LRP1B: variants seen among roughly 807,000 people sequenced by gnomAD.
The protein encoded by LRP1B is low-density lipoprotein receptor-related protein 1B.
A neutral mutation model predicts 556.6 loss-of-function variants in LRP1B; 217 were observed. That is an observed-to-expected ratio of 0.39 (90% CI 0.35 to 0.44). LRP1B has a LOEUF of 0.44. LRP1B is among the 20% of genes least tolerant of loss of function. The probability of loss-of-function intolerance (pLI) is 1.00; values close to 1 mark genes in which losing one functional copy is unlikely to be tolerated. For synonymous variants in LRP1B, 2,047 were observed against 1,865.8 expected, an observed-to-expected ratio of 1.10 and a Z score of -2.50; for missense variants, 5,053 against 5,620.8, an observed-to-expected ratio of 0.90 and a Z score of 3.23.
intron 2 of LRP1B, among the ~76,000 whole-genome samples, chr2:141,751,389 T>A (rs916915910): frequency 5.9e-5 from 9 of 152,218 alleles, no homozygotes; most frequent in African/African-American, 1.9e-4. Context: ...GTAGTTTTTT[T>A]AAAATCTTAA....
chr2:140,777,769 T>TA (rs1365675517), intron 32 of LRP1B, among the ~76,000 whole-genome samples: 2 of 152,108 alleles, frequency 1.3e-5, no homozygotes, highest in African/African-American at 4.8e-5. Context: ...AAAGATGCTG[T>TA]AAAAAATGAA....
intron 1 of LRP1B, among the ~76,000 whole-genome samples, chr2:142,104,346 G>C (rs1393020314): frequency 6.6e-6 from 1 of 152,040 alleles, no homozygotes; most frequent in East Asian, 1.9e-4. Context: ...TGCATAAAAT[G>C]ACATTTATTG....
intron 1 of LRP1B, among the ~76,000 whole-genome samples, chr2:142,083,647 A>G (rs755679993): frequency 1.3e-5 from 2 of 152,352 alleles, no homozygotes; most frequent in African/African-American, 2.4e-5. Context: ...ATTTCCTGAT[A>G]GAGCAAGGAA....
intron 1 of LRP1B, among the ~76,000 whole-genome samples, chr2:142,018,415 T>C (rs1424204956): frequency 1.3e-5 from 2 of 152,210 alleles, no homozygotes; most frequent in Non-Finnish European, 2.9e-5. Flanking sequence ...AACCTACTTG[T>C]AATAACTTCC....
intron 43 of LRP1B, among the ~76,000 whole-genome samples, chr2:140,569,455 GA>G (rs1251428876): frequency 1.3e-5 from 2 of 151,802 alleles, no homozygotes; most frequent in African/African-American, 4.8e-5. Flanking sequence ...CAAAAAGTGT[GA>G]AAAGAGACAA....
chr2:141,121,048 TAA>T (rs1449824658), intron 7 of LRP1B, among the ~76,000 whole-genome samples: 3 of 151,992 alleles, frequency 2.0e-5, no homozygotes, highest in Non-Finnish European at 2.9e-5. Context: ...CACAGGCCCT[TAA>T]AAGAGGAAGT....
intron 1 of LRP1B, among the ~76,000 whole-genome samples, chr2:142,111,513 T>G (rs572298103): frequency 1.3e-5 from 2 of 152,248 alleles, no homozygotes; most frequent in African/African-American, 4.8e-5. Context: ...CATGAGAGTC[T>G]TGAGAGAGCC....
At chr2:141,203,501 T>C (rs547463385) in intron 6 of LRP1B, among the ~76,000 whole-genome samples, 3 of 152,256 alleles carry the variant, frequency 2.0e-5, no homozygotes, top group Admixed American at 6.5e-5. Context: ...TAAATATATA[T>C]GCACCCAATA....
intron 3 of LRP1B, among the ~76,000 whole-genome samples, chr2:141,279,712 G>A (rs375215461): frequency 2.6e-5 from 4 of 152,010 alleles, no homozygotes; most frequent in African/African-American, 7.2e-5. Context: ...TGATTCATTC[G>A]TTTGCCTCTT....
intron 1 of LRP1B, among the ~76,000 whole-genome samples, chr2:141,828,136 T>G (rs1180245405): frequency 7.0e-6 from 1 of 142,340 alleles, no homozygotes; most frequent in Non-Finnish European, 1.5e-5. Context: ...TCTAATTCAT[T>G]ATATGCATTT....
intron 1 of LRP1B, among the ~76,000 whole-genome samples, chr2:142,005,903 A>G (rs1702787327): frequency 6.6e-6 from 1 of 151,844 alleles, no homozygotes; most frequent in African/African-American, 2.4e-5. Context: ...AAAAAGAAAA[A>G]AAAAAGAAAA....
At chr2:141,135,586 A>G (rs1335555076) in intron 7 of LRP1B, among the ~76,000 whole-genome samples, 5 of 151,984 alleles carry the variant, frequency 3.3e-5, no homozygotes, top group African/African-American at 1.2e-4. Flanking sequence ...AAGTTTCCTC[A>G]TTGAGCGATC....
In LRP1B at chr2:141,505,688, T is replaced by A. The variant is rs967341951; in HGVS notation, c.206-25155A>T. On this transcript the variant is annotated intron_variant, in intron 2 of 90. Coordinates refer to ENST00000389484, the MANE Select transcript of LRP1B (RefSeq NM_018557.3). ...GTAAGCTTTTGAAATGGACAAAATA[T>A]TCTAATCAGATGAAGCAAATAATAT... Among the ~76,000 whole-genome samples, 8 of 152,178 alleles carry A rather than the reference T, an allele frequency of 5.3e-5. No homozygotes were observed. The East Asian group carries it at 1.5e-3, about 29-fold the overall frequency.
intron 66 of LRP1B, among the ~76,000 whole-genome samples, chr2:140,428,714 G>A (rs1048215721): frequency 6.6e-6 from 1 of 152,102 alleles, no homozygotes; most frequent in Non-Finnish European, 1.5e-5. Context: ...TAATCAATAT[G>A]GAGGCTACCC....
chr2:141,036,977 C>T (rs1328304014), intron 11 of LRP1B, among the ~76,000 whole-genome samples: 1 of 152,006 alleles, frequency 6.6e-6, no homozygotes, highest in African/African-American at 2.4e-5. Context: ...ACCTTCAAAA[C>T]CCAGACACGC....
At position 140,663,265 on chromosome 2, in the gene LRP1B, C is replaced by T. The variant is rs1360583323; in HGVS notation, c.6799+36985G>A. On this transcript the variant is annotated intron_variant, in intron 41 of 90. Transcript: ENST00000389484. ...TAAATTACAGACTATTACAAACACA[C>T]CATGTTGGAAATACACTGGTCATCA... 5.9e-5 allele frequency among the ~76,000 whole-genome samples: 9 copies of T among 152,242 alleles called. No individual in the cohort carries two copies. The South Asian group carries it at 1.9e-3, about 32-fold the overall frequency.
At chr2:141,990,862 G>A (rs1309849263) in intron 1 of LRP1B, among the ~76,000 whole-genome samples, 2 of 151,946 alleles carry the variant, frequency 1.3e-5, no homozygotes, top group African/African-American at 4.8e-5. Context: ...GCACATTTTA[G>A]ACTAAGATAG....
chr2:141,425,953 T>G (rs12988639), intron 3 of LRP1B, among the ~76,000 whole-genome samples: 28,775 of 148,890 alleles, frequency 0.19, 3,189 homozygotes, highest in East Asian at 0.43. Context: ...TTTTGGCTTT[T>G]GTTGCCATTG....
intron 3 of LRP1B, among the ~76,000 whole-genome samples, chr2:141,329,142 C>A (rs570432267): frequency 1.3e-5 from 2 of 152,082 alleles, no homozygotes; most frequent in African/African-American, 2.4e-5. Flanking sequence ...AATCACAACA[C>A]TTTGGGAGGC....
Sources: gnomAD v4.1 joint callset for allele counts (sites outside exome capture counted in the v4.1 genomes callset) on GRCh38, gnomAD v4.1.1 for gene constraint, MANE v1.5 for transcripts, NCBI Gene and HGNC (gene_info 2026-07-23, HGNC 2026-07-21) for gene names.